Variants in ZNF616 observed in about 807,000 individuals in gnomAD.
The protein encoded by ZNF616 is zinc finger protein 616.
A neutral mutation model predicts 7.6 loss-of-function variants in ZNF616; 5 were observed. The observed-to-expected ratio is 0.66, with a 90% CI of 0.34 to 1.38. The LOEUF (loss-of-function observed/expected upper bound fraction) is 1.38. Ranked by LOEUF, ZNF616 falls within the 40% of genes most tolerant of loss-of-function variation. The pLI is 0.04. For missense variants in ZNF616, 913 were observed against 948.3 expected (o/e 0.96, Z 0.49); for synonymous variants, 319 against 317.2 (o/e 1.01, Z -0.06).
chr19:52,136,467 T>C (rs1158329239), intron 1 of ZNF616, among the ~76,000 whole-genome samples: 1 of 151,616 alleles, frequency 6.6e-6, no homozygotes, highest in Non-Finnish European at 1.5e-5. Flanking sequence ...AACATACAAA[T>C]GACCAACAGG....
intron 2 of ZNF616, 68 bp downstream of exon 2, chr19:52,130,433 T>C (rs1256668136): frequency 2.1e-6 from 3 of 1,427,392 alleles, no homozygotes; most frequent in Non-Finnish European, 3.0e-6. Flanking sequence ...CGCCCTGTAC[T>C]TCACAAAGGA....
intron 1 of ZNF616, among the ~76,000 whole-genome samples, chr19:52,133,796 AGCCACCACG>A (rs2088983679): frequency 2.0e-5 from 3 of 152,076 alleles, no homozygotes; most frequent in Admixed American, 2.0e-4. Context: ...TACAGGTGTG[AGCCACCACG>A]TCTGGCCCCA....
intron 3 of ZNF616, among the ~76,000 whole-genome samples, chr19:52,120,182 A>G (rs1162938108): frequency 6.6e-6 from 1 of 152,222 alleles, no homozygotes; most frequent in Non-Finnish European, 1.5e-5. Flanking sequence ...TGGGATATCA[A>G]AAACATAACA....
At chr19:52,121,199 C>T (rs1225147241) in intron 3 of ZNF616, among the ~76,000 whole-genome samples, 4 of 152,150 alleles carry the variant, frequency 2.6e-5, no homozygotes, top group South Asian at 2.1e-4. Context: ...GGACTACAGG[C>T]GCACGCCACC....
intron 2 of ZNF616, among the ~76,000 whole-genome samples, chr19:52,129,907 T>C (rs2088942879): frequency 6.6e-6 from 1 of 151,922 alleles, no homozygotes. Context: ...CTCAGCCTCC[T>C]GAGTAGCTGG....
At chr19:52,132,319 C>T (rs2088967205) in intron 1 of ZNF616, among the ~76,000 whole-genome samples, 1 of 152,092 alleles carries the variant, frequency 6.6e-6, no homozygotes, top group Admixed American at 6.5e-5. Context: ...TCTTAGACGG[C>T]TGAACAGACA....
chr19:52,115,507 C>T lies in ZNF616; in HGVS notation c.1657G>A (p.Glu553Lys), dbSNP rs1401311323. The T allele has an allele frequency of 3.7e-6, 6 of 1,614,150 alleles. No homozygotes were observed. The Admixed American group carries it at 8.3e-5, about 22-fold the overall frequency. Residue 553 changes from glutamate to lysine, a missense_variant, in exon 4 of 4, where the codon GAA becomes AAA. Physicochemically the swap from Glu to Lys is moderately conservative, Grantham distance 56. Transcript: ENST00000600228. ...HTGEKPYKCKECGKVFSQCSR... is the reference protein window; with the variant it reads ...HTGEKPYKCKKCGKVFSQCSR... ...CATTGACTGAAGACCTTGCCACATT[C>T]TTTGCATTTGTAAGGCTTCTCTCCA...
At chr19:52,132,226 G>A (rs2088966598) in intron 1 of ZNF616, among the ~76,000 whole-genome samples, 2 of 152,090 alleles carry the variant, frequency 1.3e-5, no homozygotes, top group Admixed American at 6.6e-5. Context: ...TAGGGCCACC[G>A]TCATCTGAGA....
Position 52,116,805 on chromosome 19 carries a change from G to A in ZNF616, c.359C>T (p.Thr120Ile). ...EVPVPHENNL[T>I]GKRDQHSQGD... is the part of the protein sequence containing the mutation. ...TTGACTATGTTGATCTCTTTTACCA[G>A]TAAGATTGTTTTCATGGGGCACTGG... The change falls in exon 4 of 4, where the codon ACT becomes ATT. Residue 120 changes from threonine (T) to isoleucine (I), a missense_variant. Transcript: ENST00000600228. 1 of 1,613,804 alleles carries A rather than the reference G, an allele frequency of 6.2e-7. No individual in the cohort carries two copies. The highest frequency in any genetic ancestry group is 8.5e-7 in the Non-Finnish European group (1 of 1,179,856).
chr19:52,122,857 A>T (rs2088875053), intron 3 of ZNF616, among the ~76,000 whole-genome samples: 1 of 151,938 alleles, frequency 6.6e-6, no homozygotes, highest in Non-Finnish European at 1.5e-5. Flanking sequence ...GATGGTCTCG[A>T]TCTCCTGACC....
chr19:52,136,099 C>T (rs370163118), intron 1 of ZNF616, among the ~76,000 whole-genome samples: 183 of 133,128 alleles, frequency 1.4e-3, no homozygotes, highest in African/African-American at 5.1e-3. Flanking sequence ...CCCTGCACTC[C>T]AGTCTAGGCA....
intron 3 of ZNF616, among the ~76,000 whole-genome samples, chr19:52,122,666 C>T (rs531678014): frequency 3.4e-5 from 5 of 146,504 alleles, no homozygotes; most frequent in African/African-American, 5.1e-5. Flanking sequence ...GATGGAGTCT[C>T]GCTCTGTCAC....
chr19:52,126,703 A>T (rs1230066471), intron 2 of ZNF616, among the ~76,000 whole-genome samples: 1 of 152,164 alleles, frequency 6.6e-6, no homozygotes, highest in Non-Finnish European at 1.5e-5. Flanking sequence ...CAGGAGGCAG[A>T]GGTTGCAGTG....
In ZNF616 at chr19:52,115,657, T is replaced by C. The variant is rs143758933; in HGVS notation, c.1507A>G (p.Ser503Gly). 95 of 1,614,214 alleles carry C rather than the reference T, an allele frequency of 5.9e-5. No individual in the cohort carries two copies. Among genetic ancestry groups the C allele is most frequent in the Middle Eastern group, 1.6e-4 (1 of 6,062 alleles). ...TGCACTGCAAGACGTGAATGTTGAC[T>C]GAAGACCTTGCCACATTCATTGCAT... ...YKCNECGKVF[S>G]QHSRLAVHRR... The change falls in exon 4 of 4, where the codon AGT becomes GGT. Residue 503 changes from serine (S) to glycine (G), a missense_variant. Transcript: ENST00000600228.
chr19:52,121,640 A>C (rs2088865044), intron 3 of ZNF616, among the ~76,000 whole-genome samples: 1 of 152,184 alleles, frequency 6.6e-6, no homozygotes, highest in Non-Finnish European at 1.5e-5. Flanking sequence ...TGGAATAGGA[A>C]ACCCAGAAAC....
In ZNF616 at chr19:52,126,270, G is replaced by T. The variant is rs969396643; in HGVS notation, c.13-2221C>A. Among the ~76,000 whole-genome samples the T allele has an allele frequency of 5.3e-5, 8 of 152,296 alleles. No homozygotes were observed. The South Asian group carries it at 1.7e-3, about 32-fold the overall frequency. On this transcript the variant is annotated intron_variant, in intron 2 of 3. Transcript: ENST00000600228. The stretch of plus-strand genomic sequence containing the variant: ...GGGCCGGGCATGATTGCTCACAACT[G>T]TAATCCCAGGACTTTCAGAACGCCA...
Position 52,114,614 on chromosome 19 carries a change from C to CT in ZNF616, c.*203dup. 2 of 562,560 alleles carry CT rather than the reference C, an allele frequency of 3.6e-6. No homozygotes were observed. The highest frequency in any genetic ancestry group is 3.1e-5 in the East Asian group (1 of 32,452). 34.8% of individuals were successfully genotyped at this position (562,560 alleles called of 1,614,324 possible). On this transcript the variant is annotated 3_prime_UTR_variant, in exon 4 of 4. Coordinates refer to ENST00000600228, the MANE Select transcript of ZNF616 (RefSeq NM_178523.5). ...AACAGCCAGACCTCAAGAGAAGTCA[C>CT]TATTGCCAGGACAGCACCAAGGGGA...
At chr19:52,136,512 G>A (rs1288131968) in intron 1 of ZNF616, among the ~76,000 whole-genome samples, 1 of 152,010 alleles carries the variant, frequency 6.6e-6, no homozygotes, top group Non-Finnish European at 1.5e-5. Context: ...CTAATCATCA[G>A]GGATATACAA....
intron 1 of ZNF616, among the ~76,000 whole-genome samples, chr19:52,138,978 C>T (rs2089036022): frequency 6.6e-6 from 1 of 152,120 alleles, no homozygotes; most frequent in South Asian, 2.1e-4. Flanking sequence ...CCTTCAGCTC[C>T]CTGAAGCTCT....
Sources: allele counts gnomAD v4.1 joint callset (sites outside exome capture counted in the v4.1 genomes callset), GRCh38; gene constraint gnomAD v4.1.1; transcripts MANE v1.5; gene names NCBI Gene and HGNC (gene_info 2026-07-23, HGNC 2026-07-21).